IGF1R: variants seen among roughly 807,000 people sequenced by gnomAD.
The protein encoded by IGF1R is insulin-like growth factor 1 receptor.
Under a neutral mutation model 144.6 loss-of-function variants are expected in IGF1R, and 44 were observed. That is an observed-to-expected ratio of 0.30 (90% confidence interval 0.24 to 0.39). The LOEUF is 0.39. Among genes scored for constraint, IGF1R ranks in the 10% least tolerant of loss-of-function variants. The pLI is 1.00. For missense variants in IGF1R, 1,355 were observed against 1,833.7 expected (o/e 0.74, Z 4.77); for synonymous variants, 795 against 722.8 (o/e 1.10, Z -1.60).
At chr15:98,649,823 G>C (rs954096236) in intron 1 of IGF1R, 148 bp downstream of exon 1, 2 of 603,248 alleles carry the variant, frequency 3.3e-6, no homozygotes, top group Non-Finnish European at 5.7e-6. Flanking sequence ...CGGCTCTGCC[G>C]GGAGGGAGGC....
chr15:98,702,593 G>A (rs1025533138), intron 1 of IGF1R, among the ~76,000 whole-genome samples: 1 of 152,180 alleles, frequency 6.6e-6, no homozygotes, highest in Non-Finnish European at 1.5e-5. Context: ...CTACCAGAGT[G>A]CTGGGACTGC....
intron 2 of IGF1R, among the ~76,000 whole-genome samples, chr15:98,765,482 TTTC>T: frequency 6.6e-6 from 1 of 152,072 alleles, no homozygotes; most frequent in East Asian, 1.9e-4. Flanking sequence ...CTAATTTTTT[TTTC>T]TTTTCTCTTT....
rs76058751 is a variant in IGF1R, at chr15:98,803,226, G to A, written c.641-88099G>A. Among the ~76,000 whole-genome samples, 705 of 152,288 alleles carry A rather than the reference G, an allele frequency of 4.6e-3. 5 individuals carry two copies. The highest frequency in any genetic ancestry group is 0.016 in the African/African-American group (646 of 41,554). The stretch of plus-strand genomic sequence containing the variant: ...GGGTCCATGGTATAGCCTGTTGCTC[G>A]TAGGCTGCAAACCCGTGGAGCATGT... On this transcript the variant is annotated intron_variant, in intron 2 of 20. Transcript: ENST00000650285.
Position 98,704,550 on chromosome 15 carries a change from G to C in IGF1R, c.95-3012G>C, listed in dbSNP as rs1376586111. Among the ~76,000 whole-genome samples the C allele has an allele frequency of 6.6e-6, 1 of 152,182 alleles. No individual in the cohort carries two copies. Among genetic ancestry groups the C allele is most frequent in the African/African-American group, 2.4e-5 (1 of 41,432 alleles). ...CCAAGCTGGAGTTGATAGTGGCTCA[G>C]ATCAGAGCTAAAGTAGTGGAGACAC... On this transcript the variant is annotated intron_variant, in intron 1 of 20. Coordinates refer to ENST00000650285, the MANE Select transcript of IGF1R (RefSeq NM_000875.5). The surrounding 1 kb of genome is among the most constrained non-coding windows in gnomAD (Gnocchi z 4.9).
Position 98,907,740 on chromosome 15 carries a change from G to T in IGF1R, c.1248-945G>T, listed in dbSNP as rs192056592. On this transcript the variant is annotated intron_variant, in intron 5 of 20. Transcript: ENST00000650285. ...ATGGACTTGTCCTGCCACCTGGGTA[G>T]CCAGATAGAACGGCTTCCTGTGCTG... Among the ~76,000 whole-genome samples the T allele has an allele frequency of 1.3e-3, 205 of 152,358 alleles. 3 individuals carry two copies. The highest frequency in any genetic ancestry group is 4.7e-3 in the African/African-American group (196 of 41,588).
Position 98,844,616 on chromosome 15 carries a change from T to TTGTGTG in IGF1R, c.641-46691_641-46686dup, listed in dbSNP as rs148102776. Reference sequence around the variant, plus strand: ...AAAAAGTTTTGCTGATTAACTATATTTGTGTGTGTGTGTGTGTGTGTGTAT... The same window carrying TTGTGTG: ...AAAAAGTTTTGCTGATTAACTATATTTGTGTGTGTGTGTGTGTGTGTGTGTGTGTAT... On this transcript the variant is annotated intron_variant, in intron 2 of 20. Transcript: ENST00000650285. Among the ~76,000 whole-genome samples the TTGTGTG allele has an allele frequency of 6.1e-3, 909 of 149,550 alleles. 8 individuals carry two copies. Among genetic ancestry groups the TTGTGTG allele is most frequent in the East Asian group, 0.012 (60 of 5,100 alleles).
At chr15:98,688,855 A>G (rs1253047262) in intron 1 of IGF1R, among the ~76,000 whole-genome samples, 1 of 152,086 alleles carries the variant, frequency 6.6e-6, no homozygotes, top group Non-Finnish European at 1.5e-5. Flanking sequence ...TCAGGACCTA[A>G]AAAATAAACC....
Position 98,849,475 on chromosome 15 carries a change from G to A in IGF1R, c.641-41850G>A, listed in dbSNP as rs368291011. 3.8e-4 allele frequency among the ~76,000 whole-genome samples: 58 copies of A among 152,308 alleles called. No homozygotes were observed. The South Asian group carries it at 0.012, about 31-fold the overall frequency. On this transcript the variant is annotated intron_variant, in intron 2 of 20. Transcript: ENST00000650285. ...TGAAAGTCCTGGAAGAACACATAGC[G>A]AGTTCCTTTTTATAACCTTGGAGCA...
At chr15:98,876,973 G>A (rs1241114320) in intron 2 of IGF1R, among the ~76,000 whole-genome samples, 8 of 152,194 alleles carry the variant, frequency 5.3e-5, no homozygotes, top group African/African-American at 9.7e-5. Context: ...GAGTAGTGTA[G>A]CATTTAAGCA....
chr15:98,653,841 C>G (rs764081557), intron 1 of IGF1R, among the ~76,000 whole-genome samples: 9 of 152,152 alleles, frequency 5.9e-5, no homozygotes, highest in African/African-American at 1.7e-4. Context: ...CACTTGTTGC[C>G]TTAGAGTTTT....
At chr15:98,750,508 T>C (rs1396874226) in intron 2 of IGF1R, among the ~76,000 whole-genome samples, 1 of 152,190 alleles carries the variant, frequency 6.6e-6, no homozygotes, top group African/African-American at 2.4e-5. Flanking sequence ...ATCCTTGGTT[T>C]CATTTTGTTC....
chr15:98,796,747 A>C (rs1234322209), intron 2 of IGF1R, among the ~76,000 whole-genome samples: 1 of 152,252 alleles, frequency 6.6e-6, no homozygotes, highest in Non-Finnish European at 1.5e-5. Context: ...AGGCATGCAC[A>C]CACGGACACG....
At chr15:98,784,725 T>A (rs1283097226) in intron 2 of IGF1R, among the ~76,000 whole-genome samples, 10 of 151,970 alleles carry the variant, frequency 6.6e-5, no homozygotes, top group Non-Finnish European at 1.2e-4. Context: ...TAAAAAAAAA[T>A]TACAATACAA....
Position 98,896,111 on chromosome 15 carries a change from T to A in IGF1R, c.954-646T>A, listed in dbSNP as rs45562731. On this transcript the variant is annotated intron_variant, in intron 3 of 20. Transcript: ENST00000650285. ...TTACAAAGTAATGGAAACCCCTTGC[T>A]TTTATTGTGTATGCAGCAAAAGCAA... 7.8e-3 allele frequency among the ~76,000 whole-genome samples: 1,187 copies of A among 152,330 alleles called. 17 individuals are homozygous for A. Among genetic ancestry groups the A allele is most frequent in the African/African-American group, 0.027 (1,120 of 41,578 alleles).
intron 2 of IGF1R, among the ~76,000 whole-genome samples, chr15:98,763,105 C>A (rs1325136179): frequency 6.6e-6 from 1 of 151,106 alleles, no homozygotes; most frequent in Non-Finnish European, 1.5e-5. Context: ...TTTTCTGTTA[C>A]AGAGATCACA....
intron 10 of IGF1R, among the ~76,000 whole-genome samples, chr15:98,918,001 A>C (rs1028845112): frequency 1.3e-5 from 2 of 152,188 alleles, no homozygotes; most frequent in Non-Finnish European, 2.9e-5. Context: ...TTTATCTTAC[A>C]TATATTTTGT....
At chr15:98,929,842 A>C (rs989065616) in intron 14 of IGF1R, among the ~76,000 whole-genome samples, 182 bp downstream of exon 14, 2 of 152,238 alleles carry the variant, frequency 1.3e-5, no homozygotes, top group African/African-American at 4.8e-5. Context: ...ACAACAGCCA[A>C]AATAATTTTT....
chr15:98,847,287 C>T (rs777915969), intron 2 of IGF1R, among the ~76,000 whole-genome samples: 8 of 152,166 alleles, frequency 5.3e-5, no homozygotes, highest in Non-Finnish European at 1.2e-4. Context: ...CCGGACAGTC[C>T]ACTCTTTACA....
At chr15:98,851,352 CT>C (rs2011520177) in intron 2 of IGF1R, among the ~76,000 whole-genome samples, 1 of 152,158 alleles carries the variant, frequency 6.6e-6, no homozygotes, top group Non-Finnish European at 1.5e-5. Context: ...CTGCAAGGAG[CT>C]TTTGTTTACG....
Sources: allele counts gnomAD v4.1 joint callset (sites outside exome capture counted in the v4.1 genomes callset), GRCh38; gene constraint gnomAD v4.1.1; non-coding constraint Gnocchi (gnomAD v3.1); transcripts MANE v1.5; gene names NCBI Gene and HGNC (gene_info 2026-07-23, HGNC 2026-07-21).